Variants in WDR25 observed in about 807,000 individuals in gnomAD.
The protein encoded by WDR25 is WD repeat-containing protein 25.
A neutral mutation model predicts 47.7 loss-of-function variants in WDR25; 35 were observed. The observed-to-expected ratio is 0.73, with a 90% CI of 0.56 to 0.97. WDR25 has a LOEUF of 0.97. Ranked by LOEUF, WDR25 falls within the 50% of genes least tolerant of loss-of-function variation. The probability of loss-of-function intolerance (pLI) is 0.00; values close to 1 mark genes in which losing one functional copy is unlikely to be tolerated. For synonymous variants in WDR25, 248 were observed against 278.9 expected, an observed-to-expected ratio of 0.89 and a Z score of 1.10; for missense variants, 634 against 704.7, an observed-to-expected ratio of 0.90 and a Z score of 1.14.
chr14:100,464,600 C>T (rs1289806360), intron 2 of WDR25, among the ~76,000 whole-genome samples: 1 of 151,768 alleles, frequency 6.6e-6, no homozygotes, highest in African/African-American at 2.4e-5. Context: ...CATTTTCCAT[C>T]TCTCCCTCTC....
At chr14:100,464,886 T>C (rs1423053613) in intron 2 of WDR25, among the ~76,000 whole-genome samples, 1 of 146,856 alleles carries the variant, frequency 6.8e-6, no homozygotes, top group Non-Finnish European at 1.5e-5. Context: ...TCATCTCCTT[T>C]ACCTCATTTC....
intron 2 of WDR25, among the ~76,000 whole-genome samples, chr14:100,410,940 G>A (rs1024693149): frequency 1.3e-5 from 2 of 151,584 alleles, no homozygotes; most frequent in South Asian, 2.1e-4. Context: ...GCACCACCAC[G>A]CCTGGCTAAT....
intron 4 of WDR25, among the ~76,000 whole-genome samples, chr14:100,522,375 T>A (rs73351056): frequency 1.3e-5 from 2 of 152,124 alleles, no homozygotes; most frequent in East Asian, 3.9e-4. Flanking sequence ...CATAGTTATG[T>A]TATACTTTGT....
chr14:100,401,709 G>C (rs1897387706), intron 2 of WDR25, among the ~76,000 whole-genome samples: 1 of 152,326 alleles, frequency 6.6e-6, no homozygotes, highest in Non-Finnish European at 1.5e-5. Context: ...TATTCATACA[G>C]AGGAATGGAA....
chr14:100,397,312 T>C (rs1361130017), intron 2 of WDR25, among the ~76,000 whole-genome samples: 2 of 152,254 alleles, frequency 1.3e-5, no homozygotes, highest in African/African-American at 4.8e-5. Context: ...AAAATCTGTT[T>C]CTTTTAAAAG....
intron 4 of WDR25, among the ~76,000 whole-genome samples, chr14:100,490,901 T>C (rs1900540457): frequency 6.6e-6 from 1 of 152,262 alleles, no homozygotes; most frequent in South Asian, 2.1e-4. Flanking sequence ...GCTTTTTATT[T>C]GGACTTTTTG....
At chr14:100,463,688 A>G (rs1178415474) in intron 2 of WDR25, among the ~76,000 whole-genome samples, 1 of 152,082 alleles carries the variant, frequency 6.6e-6, no homozygotes, top group Non-Finnish European at 1.5e-5. Flanking sequence ...GAGTCTTTAT[A>G]CTGTCTGCTG....
At chr14:100,402,570 C>T (rs1267506281) in intron 2 of WDR25, among the ~76,000 whole-genome samples, 3 of 152,076 alleles carry the variant, frequency 2.0e-5, no homozygotes, top group South Asian at 4.1e-4. Flanking sequence ...GCTGAGCCCT[C>T]GGCAGGCCAG....
rs558427589 is a variant in WDR25 at position 100,415,343 on chromosome 14, T to A, written c.822+33597T>A. 7.9e-5 allele frequency among the ~76,000 whole-genome samples: 12 copies of A among 152,268 alleles called. No individual in the cohort carries two copies. The East Asian group carries it at 2.3e-3, about 29-fold the overall frequency. On this transcript the variant is annotated intron_variant, in intron 2 of 6. Coordinates refer to ENST00000402312, the MANE Select transcript of WDR25 (RefSeq NM_001161476.3). ...TGGCTCAGATGGGCAATAGGCAGTC[T>A]AAAGTCATATGTGTATGGGAGGTAC...
chr14:100,399,710 T>A (rs2140168563), intron 2 of WDR25, among the ~76,000 whole-genome samples: 1 of 152,322 alleles, frequency 6.6e-6, no homozygotes, highest in East Asian at 1.9e-4. Flanking sequence ...AGCCCTGGCC[T>A]GTGGCCTCTG....
chr14:100,480,625 A>G (rs1222898816), intron 3 of WDR25, among the ~76,000 whole-genome samples: 1 of 152,228 alleles, frequency 6.6e-6, no homozygotes, highest in Non-Finnish European at 1.5e-5. Context: ...TTTGTTGCCA[A>G]AAATGATCTG....
At chr14:100,447,648 G>T (rs1205631717) in intron 2 of WDR25, among the ~76,000 whole-genome samples, 1 of 152,178 alleles carries the variant, frequency 6.6e-6, no homozygotes, top group African/African-American at 2.4e-5. Flanking sequence ...TGAGCAGGGT[G>T]GGGGAGGCAG....
intron 1 of WDR25, among the ~76,000 whole-genome samples, chr14:100,379,213 A>C (rs1478726416): frequency 1.3e-5 from 2 of 152,168 alleles, no homozygotes; most frequent in African/African-American, 4.8e-5. Flanking sequence ...GGATTTATAC[A>C]TCTAGCAAAC....
chr14:100,468,184 C>A lies in WDR25; in HGVS notation c.970+16C>A. The A allele has an allele frequency of 6.2e-7, 1 of 1,607,212 alleles. No individual in the cohort carries two copies. Among genetic ancestry groups the A allele is most frequent in the South Asian group, 1.1e-5 (1 of 90,506 alleles). On this transcript the variant is annotated intron_variant, in intron 3 of 6. Coordinates refer to ENST00000402312, the MANE Select transcript of WDR25 (RefSeq NM_001161476.3). The surrounding 1 kb of genome is among the most constrained non-coding windows in gnomAD (Gnocchi z 4.5). ...CTTGAAACAGGTGCGTTTCTTGTGT[C>A]ACCTCCCTGAGGTGAGCTGGCAGCT... is the stretch of plus-strand genomic sequence containing the variant.
In WDR25 at chr14:100,481,611, A is replaced by G. The variant is rs533051190; in HGVS notation, c.971-2383A>G. Among the ~76,000 whole-genome samples the G allele has an allele frequency of 7.2e-5, 11 of 152,216 alleles. No individual in the cohort carries two copies. In the South Asian group the frequency reaches 2.3e-3, roughly 32 times the overall value. Reference sequence around the variant, plus strand: ...ATATCCTATAATACAAAGCATGTTAAATGGCCATATGGAGTCAGTCCTGCA... The same window carrying G: ...ATATCCTATAATACAAAGCATGTTAGATGGCCATATGGAGTCAGTCCTGCA... On this transcript the variant is annotated intron_variant, in intron 3 of 6. Coordinates refer to ENST00000402312, the MANE Select transcript of WDR25 (RefSeq NM_001161476.3).
chr14:100,384,270 G>A (rs1174485907), intron 2 of WDR25, among the ~76,000 whole-genome samples: 1 of 152,266 alleles, frequency 6.6e-6, no homozygotes, highest in East Asian at 1.9e-4. Flanking sequence ...CAAATGGTGG[G>A]CCAGGGCCCT....
In WDR25 at chr14:100,468,060, T is replaced by C; in HGVS notation, c.862T>C (p.Tyr288His). The C allele has an allele frequency of 6.2e-7, 1 of 1,613,564 alleles. No homozygotes were observed. Among genetic ancestry groups the C allele is most frequent in the Non-Finnish European group, 8.5e-7 (1 of 1,180,040 alleles). ...AVDSGHCLQT[Y>H]SLHTEAVRAA... is the part of the protein sequence containing the mutation. ...GGACTCCGGGCACTGCCTGCAGACCTACTCCCTGCACACAGAGGCAGTGCG... is the reference window on the plus strand; with the variant it reads ...GGACTCCGGGCACTGCCTGCAGACCCACTCCCTGCACACAGAGGCAGTGCG... Residue 288 changes from tyrosine (Y) to histidine (H), a missense_variant, in exon 3 of 7, where the codon TAC becomes CAC. Coordinates refer to ENST00000402312, the MANE Select transcript of WDR25 (RefSeq NM_001161476.3). The surrounding 1 kb of genome is among the most constrained non-coding windows in gnomAD (Gnocchi z 4.5).
chr14:100,418,647 AAAG>A (rs1897940215), intron 2 of WDR25, among the ~76,000 whole-genome samples: 1 of 151,780 alleles, frequency 6.6e-6, no homozygotes, highest in Admixed American at 6.6e-5. Flanking sequence ...AAAAAAAAAA[AAAG>A]GTGAAAAATT....
intron 4 of WDR25, among the ~76,000 whole-genome samples, chr14:100,518,786 C>T (rs966832905): frequency 7.3e-5 from 11 of 151,016 alleles, no homozygotes; most frequent in East Asian, 2.0e-4. Flanking sequence ...AGCTAGAGGA[C>T]GGGAGGCTGA....
Sources: gnomAD v4.1 joint callset for allele counts (sites outside exome capture counted in the v4.1 genomes callset) on GRCh38, gnomAD v4.1.1 for gene constraint, Gnocchi (gnomAD v3.1) non-coding constraint, MANE v1.5 for transcripts, NCBI Gene and HGNC (gene_info 2026-07-23, HGNC 2026-07-21) for gene names.